Variants in ADAMTSL1 observed in about 807,000 individuals in gnomAD.
ADAMTSL1 encodes the protein ADAMTS-like protein 1.
Under a neutral mutation model 201.8 loss-of-function variants are expected in ADAMTSL1, and 126 were observed. The observed-to-expected ratio is 0.62, with a 90% CI of 0.54 to 0.72. The LOEUF (loss-of-function observed/expected upper bound fraction) is 0.72. Among genes scored for constraint, ADAMTSL1 ranks in the 30% least tolerant of loss-of-function variants. The probability of loss-of-function intolerance (pLI) is 0.00; values close to 1 mark genes in which losing one functional copy is unlikely to be tolerated. For missense variants in ADAMTSL1, 2,679 were observed against 2,277.8 expected, an observed-to-expected ratio of 1.18 and a Z score of -3.59; for synonymous variants, 1,121 against 903.4, an observed-to-expected ratio of 1.24 and a Z score of -4.32.
At chr9:18,769,146 G>T (rs906434900) in intron 16 of ADAMTSL1, among the ~76,000 whole-genome samples, 1 of 152,130 alleles carries the variant, frequency 6.6e-6, no homozygotes, top group Non-Finnish European at 1.5e-5. Flanking sequence ...GCTATGTTCT[G>T]ACTGTACCCA....
At chr9:18,766,891 C>CAATA (rs1226995957) in intron 16 of ADAMTSL1, among the ~76,000 whole-genome samples, 2 of 152,076 alleles carry the variant, frequency 1.3e-5, no homozygotes, top group African/African-American at 2.4e-5. Context: ...ACATTCAGAC[C>CAATA]AAAGCACCAA....
chr9:18,849,374 C>G (rs556477316), intron 23 of ADAMTSL1, among the ~76,000 whole-genome samples: 1 of 152,290 alleles, frequency 6.6e-6, no homozygotes, highest in African/African-American at 2.4e-5. Context: ...CTTCCTGGAT[C>G]CAATTATGTG....
intron 26 of ADAMTSL1, among the ~76,000 whole-genome samples, chr9:18,893,274 T>G (rs1829406924): frequency 6.6e-6 from 1 of 152,150 alleles, no homozygotes; most frequent in Non-Finnish European, 1.5e-5. Context: ...ATTGGCAGTT[T>G]GTAAAATTAC....
At chr9:18,724,896 CTCAGGATTGAACCTTT>C (rs2133444811) in intron 15 of ADAMTSL1, among the ~76,000 whole-genome samples, 1 of 129,602 alleles carries the variant, frequency 7.7e-6, no homozygotes, top group African/African-American at 2.8e-5. Flanking sequence ...CATAAATAGC[CTCAGGATTGAACCTTT>C]TTTTTTTCTT....
intron 2 of ADAMTSL1, among the ~76,000 whole-genome samples, chr9:18,464,122 A>T (rs1052729972): frequency 2.0e-5 from 3 of 152,052 alleles, no homozygotes; most frequent in African/African-American, 7.2e-5. Flanking sequence ...GGAATCATTA[A>T]CTCTCTTCCC....
At chr9:17,949,739 C>G (rs1827655234) in intron 1 of ADAMTSL1, among the ~76,000 whole-genome samples, 1 of 152,148 alleles carries the variant, frequency 6.6e-6, no homozygotes, top group Admixed American at 6.6e-5. Flanking sequence ...ATCTCCTGTG[C>G]TTCCCACAGC....
chr9:18,234,260 C>G (rs150087250), intron 2 of ADAMTSL1, among the ~76,000 whole-genome samples: 112 of 152,162 alleles, frequency 7.4e-4, no homozygotes, highest in Non-Finnish European at 1.3e-3. Context: ...TGGCAGAGAA[C>G]GAGTGTGTGA....
chr9:18,162,672 C>T (rs1404398140), intron 1 of ADAMTSL1, among the ~76,000 whole-genome samples: 1 of 151,886 alleles, frequency 6.6e-6, no homozygotes, highest in East Asian at 1.9e-4. Flanking sequence ...ATTTATTATG[C>T]ATTATTTTCA....
intron 2 of ADAMTSL1, among the ~76,000 whole-genome samples, chr9:18,384,722 C>T (rs938076635): frequency 1.7e-4 from 26 of 152,114 alleles, no homozygotes; most frequent in African/African-American, 6.3e-4. Flanking sequence ...TTCCTTTTAC[C>T]AGTGCTCCCT....
rs1438469038 is a variant in ADAMTSL1 at position 18,892,545 on chromosome 9, G to T, written c.4800G>T (p.Gln1600His). 1 of 1,582,552 alleles carries T rather than the reference G, an allele frequency of 6.3e-7. No individual in the cohort carries two copies. Among genetic ancestry groups the T allele is most frequent in the East Asian group, 2.3e-5 (1 of 43,244 alleles). ...TCGCCAAGCGGCCTGTGGACACCCA[G>T]GCCTGTAACCAGCAGCTGTGTGTGG... ...TQVAKRPVDTQACNQQLCVEW... is the reference protein window; with the variant it reads ...TQVAKRPVDTHACNQQLCVEW... Residue 1600 changes from glutamine to histidine, a missense_variant, in exon 26 of 29, where the codon CAG becomes CAT. By Grantham distance (24) the Gln-to-His change is conservative. Transcript: ENST00000380548.
intron 26 of ADAMTSL1, among the ~76,000 whole-genome samples, chr9:18,900,408 C>A (rs1017429093): frequency 2.6e-5 from 4 of 152,050 alleles, no homozygotes; most frequent in East Asian, 1.9e-4. Context: ...ACCATTTGAC[C>A]CAGCAATCCC....
chr9:17,950,023 A>C (rs138612295), intron 1 of ADAMTSL1, among the ~76,000 whole-genome samples: 2 of 152,056 alleles, frequency 1.3e-5, no homozygotes, highest in East Asian at 3.9e-4. Flanking sequence ...GGTTCAAGTG[A>C]TTCTCGTGCT....
At chr9:18,370,342 A>G (rs1243280440) in intron 2 of ADAMTSL1, among the ~76,000 whole-genome samples, 1 of 152,086 alleles carries the variant, frequency 6.6e-6, no homozygotes, top group Non-Finnish European at 1.5e-5. Context: ...GGGTTGAAAA[A>G]TTACCTGTTA....
At chr9:18,620,762 C>G (rs1276669753) in intron 4 of ADAMTSL1, among the ~76,000 whole-genome samples, 1 of 152,072 alleles carries the variant, frequency 6.6e-6, no homozygotes, top group Admixed American at 6.5e-5. Context: ...TTGTCCCTGA[C>G]TTTAGAACTC....
intron 2 of ADAMTSL1, among the ~76,000 whole-genome samples, chr9:18,307,253 A>G (rs1183590694): frequency 6.6e-6 from 1 of 152,206 alleles, no homozygotes; most frequent in African/African-American, 2.4e-5. Flanking sequence ...ACCAAATTGT[A>G]AAGACCGTTG....
chr9:18,346,681 T>C (rs1041931402), intron 2 of ADAMTSL1, among the ~76,000 whole-genome samples: 4 of 152,204 alleles, frequency 2.6e-5, no homozygotes, highest in East Asian at 3.9e-4. Flanking sequence ...TTTTGGCTAG[T>C]TGGATTCTTT....
At chr9:18,131,170 T>C (rs770265186) in intron 1 of ADAMTSL1, among the ~76,000 whole-genome samples, 4 of 152,202 alleles carry the variant, frequency 2.6e-5, no homozygotes, top group African/African-American at 7.2e-5. Flanking sequence ...CTTGGTGTCA[T>C]TGGCTATCTT....
intron 1 of ADAMTSL1, among the ~76,000 whole-genome samples, chr9:18,130,038 G>T (rs10963462): frequency 0.15 from 23,558 of 152,170 alleles, 2,119 homozygotes; most frequent in East Asian, 0.21. Flanking sequence ...CAAGTTGCAG[G>T]CACTGCCATC....
chr9:18,172,013 C>G (rs1473243534), intron 2 of ADAMTSL1, among the ~76,000 whole-genome samples: 1 of 151,048 alleles, frequency 6.6e-6, no homozygotes, highest in Non-Finnish European at 1.5e-5. Flanking sequence ...TCATTCACAC[C>G]TAACTAACAC....
Sources: gnomAD v4.1 joint callset for allele counts (sites outside exome capture counted in the v4.1 genomes callset) on GRCh38, gnomAD v4.1.1 for gene constraint, MANE v1.5 for transcripts, NCBI Gene and HGNC (gene_info 2026-07-23, HGNC 2026-07-21) for gene names.